The following DPP6 variants were observed in gnomAD, a reference collection of about 807,000 sequenced individuals.
DPP6 encodes A-type potassium channel modulatory protein DPP6.
Under a neutral mutation model 122.6 loss-of-function variants are expected in DPP6, and 69 were observed. The observed-to-expected ratio is 0.56, with a 90% CI of 0.46 to 0.69. The LOEUF is 0.69. Ranked by LOEUF, DPP6 falls within the 30% of genes least tolerant of loss-of-function variation. DPP6 has a pLI of 0.00. For synonymous variants in DPP6, 418 were observed against 433.1 expected, an observed-to-expected ratio of 0.97 and a Z score of 0.43; for missense variants, 928 against 1,116.9, an observed-to-expected ratio of 0.83 and a Z score of 2.41.
chr7:154,180,572 ATAT>A (rs1798033307), intron 1 of DPP6, among the ~76,000 whole-genome samples: 1 of 148,530 alleles, frequency 6.7e-6, no homozygotes, highest in South Asian at 2.1e-4. Flanking sequence ...GAATATATAT[ATAT>A]ATTCGAGTTT....
At chr7:153,786,801 A>G in the DPP6 span, among the ~76,000 whole-genome samples, 280 of 135,662 alleles carry the variant, frequency 2.1e-3, 1 homozygote, top group African/African-American at 7.1e-3. Flanking sequence ...TGGGCAAATC[A>G]TTCTTTTTAT....
chr7:153,986,475 T>C (rs1796856815), intron 1 of DPP6, among the ~76,000 whole-genome samples: 1 of 152,150 alleles, frequency 6.6e-6, no homozygotes, highest in South Asian at 2.1e-4. Context: ...AAAAATGCCC[T>C]TAAGAAAAGA....
chr7:153,787,837 CTTT>C, the DPP6 span, among the ~76,000 whole-genome samples: 4 of 139,368 alleles, frequency 2.9e-5, no homozygotes, highest in Admixed American at 7.1e-5. Context: ...TTTACAATTT[CTTT>C]TTTTTTTTTT....
At chr7:154,214,448 A>G (rs1396771704) in intron 1 of DPP6, among the ~76,000 whole-genome samples, 1 of 152,206 alleles carries the variant, frequency 6.6e-6, no homozygotes, top group Non-Finnish European at 1.5e-5. Flanking sequence ...TGAAAGAATG[A>G]TGAATTATTA....
chr7:154,011,611 T>C (rs1798160081), intron 1 of DPP6, among the ~76,000 whole-genome samples: 1 of 152,240 alleles, frequency 6.6e-6, no homozygotes, highest in African/African-American at 2.4e-5. Context: ...TTGCATATTA[T>C]TATTTCTACC....
chr7:154,163,859 C>A (rs147460920), intron 1 of DPP6, among the ~76,000 whole-genome samples: 32 of 151,706 alleles, frequency 2.1e-4, no homozygotes, highest in African/African-American at 6.3e-4. Context: ...CTGTGCTTGG[C>A]CCCTCTCACT....
Position 153,921,907 on chromosome 7 carries a change from G to T in DPP6, c.51+34173G>T, listed in dbSNP as rs147951261. ...GGTCTGAGGAGCAGGCTCTGGCCAA[G>T]CTGACACACCCAGCTGTGCATTTTG... On this transcript the variant is annotated intron_variant, in intron 1 of 25. Coordinates refer to the DPP6 transcript ENST00000404039. Among the ~76,000 whole-genome samples the T allele has an allele frequency of 6.2e-4, 95 of 152,358 alleles. No homozygotes were observed. The East Asian group carries it at 0.014, about 22-fold the overall frequency.
At chr7:154,142,828 G>A (rs1265645485) in intron 1 of DPP6, among the ~76,000 whole-genome samples, 27 of 140,978 alleles carry the variant, frequency 1.9e-4, no homozygotes, top group South Asian at 7.5e-4. Flanking sequence ...AAACTTCAGC[G>A]TATGGGGAAA....
intron 1 of DPP6, among the ~76,000 whole-genome samples, chr7:154,395,839 A>G (rs1374889863): frequency 6.6e-6 from 1 of 152,070 alleles, no homozygotes; most frequent in Non-Finnish European, 1.5e-5. Flanking sequence ...TCTCTATTTT[A>G]AAGGAAAATA....
chr7:154,024,027 G>A (rs1247941956), intron 1 of DPP6, among the ~76,000 whole-genome samples: 4 of 152,056 alleles, frequency 2.6e-5, no homozygotes, highest in Non-Finnish European at 5.9e-5. Flanking sequence ...ATTATTCTGG[G>A]AGCTTCTGGT....
chr7:154,598,996 T>G (rs1833264365), intron 5 of DPP6, among the ~76,000 whole-genome samples: 1 of 152,154 alleles, frequency 6.6e-6, no homozygotes, highest in Non-Finnish European at 1.5e-5. Flanking sequence ...TATTGGCCTT[T>G]GGGAGAGACC....
chr7:154,213,356 C>T (rs956988673), intron 1 of DPP6, among the ~76,000 whole-genome samples: 30 of 152,290 alleles, frequency 2.0e-4, no homozygotes, highest in African/African-American at 5.5e-4. Flanking sequence ...TAGAGGTAGT[C>T]CAGGCCATGA....
intron 4 of DPP6, among the ~76,000 whole-genome samples, chr7:154,551,740 G>A (rs1829652951): frequency 6.6e-6 from 1 of 152,018 alleles, no homozygotes; most frequent in African/African-American, 2.4e-5. Context: ...AAGGAAATGT[G>A]TGCATTGTGA....
intron 5 of DPP6, among the ~76,000 whole-genome samples, chr7:154,572,658 A>G (rs1210260484): frequency 6.8e-6 from 1 of 146,656 alleles, no homozygotes; most frequent in African/African-American, 2.5e-5. Context: ...CTAGCATTAC[A>G]GGCACCCGCC....
intron 8 of DPP6, among the ~76,000 whole-genome samples, chr7:154,764,612 A>G (rs548365975): frequency 6.6e-6 from 1 of 152,162 alleles, no homozygotes; most frequent in Non-Finnish European, 1.5e-5. Context: ...AGGTTCTGCC[A>G]TTCCACCTTC....
intron 1 of DPP6, among the ~76,000 whole-genome samples, chr7:154,357,815 G>T (rs986793847): frequency 5.9e-5 from 9 of 152,032 alleles, no homozygotes; most frequent in Non-Finnish European, 1.2e-4. Context: ...GATGGCACAT[G>T]CCTGTAATCC....
chr7:154,465,826 A>C (rs569160781), intron 2 of DPP6, among the ~76,000 whole-genome samples: 6 of 152,354 alleles, frequency 3.9e-5, no homozygotes, highest in Admixed American at 3.9e-4. Context: ...AGAACTAGAA[A>C]TACCATTTGA....
chr7:154,036,503 T>C (rs1418368425), intron 1 of DPP6, among the ~76,000 whole-genome samples: 2 of 150,356 alleles, frequency 1.3e-5, no homozygotes, highest in Non-Finnish European at 3.0e-5. Flanking sequence ...GAGTTGAGAT[T>C]TTTGTTGTAC....
intron 1 of DPP6, among the ~76,000 whole-genome samples, chr7:153,944,120 T>G (rs998423591): frequency 1.3e-5 from 2 of 152,156 alleles, no homozygotes; most frequent in African/African-American, 4.8e-5. Flanking sequence ...GAAGGAAGAT[T>G]GCATCGTAAA....
Sources: gnomAD v4.1 joint callset for allele counts (sites outside exome capture counted in the v4.1 genomes callset) on GRCh38, gnomAD v4.1.1 for gene constraint, MANE v1.5 for transcripts, NCBI Gene and HGNC (gene_info 2026-07-23, HGNC 2026-07-21) for gene names.